KCNMA1: variants seen among roughly 807,000 people sequenced by gnomAD.
The protein encoded by KCNMA1 is potassium calcium-activated channel subfamily M alpha 1.
Under a neutral mutation model 140.0 loss-of-function variants are expected in KCNMA1, and 29 were observed. The ratio of observed to expected loss-of-function variants is 0.21; its 90% CI spans 0.15 to 0.28. The LOEUF (loss-of-function observed/expected upper bound fraction) is 0.28. KCNMA1 is among the 10% of genes least tolerant of loss of function. KCNMA1 has a pLI of 1.00. For synonymous variants in KCNMA1, 612 were observed against 611.9 expected (o/e 1.00, Z 0.00); for missense variants, 880 against 1,602.2 (o/e 0.55, Z 7.70).
At chr10:77,023,050 G>T in intron 16 of KCNMA1, 1 of 396,740 alleles carries the variant, frequency 2.5e-6, no homozygotes. Context: ...GCTCAGTCCC[G>T]CAGGGAAATG....
At chr10:77,516,809 C>T (rs956466279) in intron 1 of KCNMA1, among the ~76,000 whole-genome samples, 1 of 152,052 alleles carries the variant, frequency 6.6e-6, no homozygotes, top group Non-Finnish European at 1.5e-5. Context: ...CCTGTGTGAG[C>T]GGCTGGTGTG....
chr10:77,608,841 C>T (rs1036432431), intron 1 of KCNMA1, among the ~76,000 whole-genome samples: 1 of 152,150 alleles, frequency 6.6e-6, no homozygotes, highest in Admixed American at 6.5e-5. Flanking sequence ...TAAAAAGGTG[C>T]TCAACATCAC....
At chr10:77,609,512 A>C (rs1477884892) in intron 1 of KCNMA1, among the ~76,000 whole-genome samples, 1 of 152,210 alleles carries the variant, frequency 6.6e-6, no homozygotes, top group Non-Finnish European at 1.5e-5. Flanking sequence ...CAAGACATCT[A>C]TTACTGTACA....
intron 26 of KCNMA1, 46 bp downstream of exon 26, chr10:76,891,479 T>C (rs771752483): frequency 6.6e-7 from 1 of 1,520,062 alleles, no homozygotes; most frequent in Non-Finnish European, 9.1e-7. Context: ...AGGATCAAGC[T>C]TTTCCCAAAC....
At chr10:76,909,855 A>C (rs1161133558) in intron 25 of KCNMA1, 111 bp downstream of exon 25, 1 of 1,102,414 alleles carries the variant, frequency 9.1e-7, no homozygotes. Context: ...AGCTTCTAGG[A>C]GTCTTGCTCT....
At chr10:77,146,725 A>G (rs1002279718) in intron 5 of KCNMA1, among the ~76,000 whole-genome samples, 4 of 142,878 alleles carry the variant, frequency 2.8e-5, no homozygotes, top group African/African-American at 7.7e-5. Context: ...AAAAAAAAAA[A>G]AAAAAGAAAG....
intron 2 of KCNMA1, among the ~76,000 whole-genome samples, chr10:77,260,750 C>T (rs978580058): frequency 9.2e-5 from 14 of 151,978 alleles, no homozygotes; most frequent in African/African-American, 3.1e-4. Context: ...AAAACAGAAA[C>T]AGCAACCTCC....
rs1402811851 is a variant in KCNMA1 at position 77,546,908 on chromosome 10, C to T, written c.378+90357G>A. On this transcript the variant is annotated intron_variant, in intron 1 of 27. Transcript: ENST00000286628. The stretch of plus-strand genomic sequence containing the variant: ...GTAAACCCACTCTCATTCCATCACC[C>T]AGCAACAGTGAGACCCAAAGCTCAG... Among the ~76,000 whole-genome samples the T allele has an allele frequency of 3.3e-5, 5 of 152,294 alleles. No individual in the cohort carries two copies. In the East Asian group the frequency reaches 9.7e-4, roughly 29 times the overall value.
At chr10:77,131,732 A>G (rs1442736099) in intron 5 of KCNMA1, among the ~76,000 whole-genome samples, 2 of 152,112 alleles carry the variant, frequency 1.3e-5, no homozygotes, top group Non-Finnish European at 2.9e-5. Context: ...TGGGAGGCTG[A>G]GGCAGGCGGA....
chr10:77,127,477 C>A (rs545720433), intron 5 of KCNMA1, among the ~76,000 whole-genome samples: 1 of 152,084 alleles, frequency 6.6e-6, no homozygotes. Context: ...TACATCTTAC[C>A]AACTTGTCCT....
intron 2 of KCNMA1, among the ~76,000 whole-genome samples, chr10:77,383,025 TATA>T: frequency 7.9e-6 from 1 of 126,834 alleles, no homozygotes; most frequent in Admixed American, 8.0e-5. Context: ...TATATATATA[TATA>T]TTCCAAGTGG....
chr10:77,273,594 A>G (rs2065800788), intron 2 of KCNMA1, among the ~76,000 whole-genome samples: 1 of 152,208 alleles, frequency 6.6e-6, no homozygotes, highest in African/African-American at 2.4e-5. Context: ...ACAATAGAAA[A>G]CATGGTCCAA....
In KCNMA1 at chr10:77,039,599, T is replaced by C. The variant is rs527331588; in HGVS notation, c.1788A>G (p.Gly596=). The change falls in exon 15 of 28, where the codon GGA becomes GGG. Residue 596 remains glycine, a synonymous_variant. Coordinates refer to ENST00000286628, the MANE Select transcript of KCNMA1 (RefSeq NM_001161352.2). ...ATTCTGTGTACATTTCATTTGAGAC[T>C]CCTTCCAAGTAGTATTTCTGCCATG... The part of the protein sequence containing the change: ...EDTWQKYYLE[G]VSNEMYTEYL... The C allele has an allele frequency of 3.1e-5, 50 of 1,611,972 alleles. No individual in the cohort carries two copies. Among genetic ancestry groups the C allele is most frequent in the Non-Finnish European group, 4.2e-5 (49 of 1,178,048 alleles).
rs1567086453 is a variant in KCNMA1, at chr10:77,483,037, CACA to C, written c.379-79017_379-79015del. On this transcript the variant is annotated intron_variant, in intron 1 of 27. Transcript: ENST00000286628. ...ACACACACACACACACACACACACA[CACA>C]CCCCTTGTTCTTCTGTGCCTACCAT... 4.4e-4 allele frequency among the ~76,000 whole-genome samples: 57 copies of C among 128,504 alleles called. 2 individuals are homozygous for C. Among genetic ancestry groups the C allele is most frequent in the Middle Eastern group, 4.3e-3 (1 of 234 alleles). 84.3% of individuals were successfully genotyped at this position (128,504 alleles called of 152,430 possible). A position where few individuals can be genotyped will look rare whatever the true frequency, so the allele number is the denominator to read the frequency against.
intron 5 of KCNMA1, among the ~76,000 whole-genome samples, chr10:77,146,701 CAAAAAAAAAAAA>C (rs5786266): frequency 7.8e-5 from 5 of 64,178 alleles, no homozygotes; most frequent in South Asian, 9.5e-4. Flanking sequence ...GACTTCATCT[CAAAAAAAAAAAA>C]AAAAAAAAAA....
chr10:77,636,774 C>T (rs1425701860), intron 1 of KCNMA1: 4 of 1,459,042 alleles, frequency 2.7e-6, no homozygotes, highest in Non-Finnish European at 3.6e-6. Context: ...GGATTTTTCC[C>T]TTCTTTCTGA....
chr10:77,057,054 G>A (rs929161517), intron 14 of KCNMA1, among the ~76,000 whole-genome samples: 1 of 152,090 alleles, frequency 6.6e-6, no homozygotes, highest in African/African-American at 2.4e-5. Flanking sequence ...CTTCCCCAGA[G>A]ACAAACCTAG....
chr10:77,190,113 A>C (rs1373191181), intron 3 of KCNMA1, among the ~76,000 whole-genome samples: 1 of 152,096 alleles, frequency 6.6e-6, no homozygotes, highest in East Asian at 1.9e-4. Flanking sequence ...CTTTGTGTTC[A>C]AACCTTGGGC....
chr10:77,614,937 G>T (rs1206413738), intron 1 of KCNMA1, among the ~76,000 whole-genome samples: 1 of 152,226 alleles, frequency 6.6e-6, no homozygotes, highest in Non-Finnish European at 1.5e-5. Context: ...GGCAGAATAA[G>T]CTTGAGATAA....
Sources: allele counts gnomAD v4.1 joint callset (sites outside exome capture counted in the v4.1 genomes callset), GRCh38; gene constraint gnomAD v4.1.1; transcripts MANE v1.5; gene names NCBI Gene and HGNC (gene_info 2026-07-23, HGNC 2026-07-21).